THEMIS: variants seen among roughly 807,000 people sequenced by gnomAD.
THEMIS encodes thymocyte selection associated.
In THEMIS, 37 loss-of-function variants were observed where a neutral mutation model predicts 52.6. That is an observed-to-expected ratio of 0.70 (90% CI 0.54 to 0.93). The LOEUF (loss-of-function observed/expected upper bound fraction) is 0.93. Among genes scored for constraint, THEMIS ranks in the 40% least tolerant of loss-of-function variants. The pLI is 0.00. For synonymous variants in THEMIS, 292 were observed against 272.7 expected (o/e 1.07, Z -0.70); for missense variants, 808 against 763.1 (o/e 1.06, Z -0.69).
intron 3 of THEMIS, among the ~76,000 whole-genome samples, chr6:127,822,409 A>G (rs1017659476): frequency 2.0e-5 from 3 of 152,088 alleles, no homozygotes; most frequent in East Asian, 1.9e-4. Context: ...TCTGCTGTCC[A>G]TATTTCTAAA....
At chr6:127,760,929 A>G (rs1776000902) in intron 4 of THEMIS, among the ~76,000 whole-genome samples, 1 of 152,196 alleles carries the variant, frequency 6.6e-6, no homozygotes, top group South Asian at 2.1e-4. Context: ...TACAGTCAGC[A>G]AAAACAAAAA....
chr6:127,697,450 T>C, the THEMIS span, among the ~76,000 whole-genome samples: 62 of 152,252 alleles, frequency 4.1e-4, no homozygotes, highest in East Asian at 0.012. Context: ...GCAATAGGCA[T>C]AACAGTTCTA....
intron 1 of THEMIS, among the ~76,000 whole-genome samples, chr6:127,916,293 C>T (rs781030002): frequency 6.6e-6 from 1 of 151,784 alleles, no homozygotes; most frequent in Non-Finnish European, 1.5e-5. Context: ...TAATAAAATA[C>T]TTTTATTGAA....
intron 3 of THEMIS, among the ~76,000 whole-genome samples, chr6:127,823,435 C>T (rs1232603275): frequency 6.6e-6 from 1 of 151,844 alleles, no homozygotes; most frequent in Admixed American, 6.6e-5. Flanking sequence ...GTGAGAAAAC[C>T]CCCTTGTTAC....
chr6:127,821,150 ATG>A (rs1040887139), intron 3 of THEMIS, among the ~76,000 whole-genome samples: 8 of 150,108 alleles, frequency 5.3e-5, no homozygotes, highest in Non-Finnish European at 7.4e-5. Context: ...AGCTCTAATC[ATG>A]TGTGTGTGTG....
At chr6:127,753,185 T>C (rs1775706533) in intron 4 of THEMIS, among the ~76,000 whole-genome samples, 1 of 151,958 alleles carries the variant, frequency 6.6e-6, no homozygotes, top group Admixed American at 6.6e-5. Flanking sequence ...AGATCACATA[T>C]GACAAGCCCA....
At chr6:127,890,431 A>T (rs1780769942) in intron 1 of THEMIS, among the ~76,000 whole-genome samples, 1 of 152,136 alleles carries the variant, frequency 6.6e-6, no homozygotes, top group Non-Finnish European at 1.5e-5. Context: ...AGAGGCTAGA[A>T]AGGGTAGCGG....
At chr6:127,916,013 T>C (rs1781518129) in intron 1 of THEMIS, among the ~76,000 whole-genome samples, 1 of 151,992 alleles carries the variant, frequency 6.6e-6, no homozygotes, top group Non-Finnish European at 1.5e-5. Context: ...GAAAAAAGAA[T>C]GAGCAAATTT....
intron 5 of THEMIS, among the ~76,000 whole-genome samples, chr6:127,715,920 A>G (rs575160844): frequency 7.0e-4 from 106 of 151,962 alleles, no homozygotes; most frequent in Non-Finnish European, 1.1e-3. Context: ...AGAGAAATGA[A>G]ATGGCTTCTG....
intron 5 of THEMIS, among the ~76,000 whole-genome samples, chr6:127,714,424 A>G (rs2114465569): frequency 6.6e-6 from 1 of 152,024 alleles, no homozygotes; most frequent in Admixed American, 6.6e-5. Flanking sequence ...ATTCCTTAAC[A>G]TTTGAAAATG....
intron 1 of THEMIS, among the ~76,000 whole-genome samples, chr6:127,907,482 A>T (rs955369723): frequency 1.3e-5 from 2 of 151,118 alleles, no homozygotes; most frequent in African/African-American, 4.9e-5. Context: ...TTATACCTGG[A>T]AAAGTCCCAG....
intron 1 of THEMIS, among the ~76,000 whole-genome samples, chr6:127,886,759 C>G (rs924596344): frequency 6.6e-6 from 1 of 152,152 alleles, no homozygotes; most frequent in African/African-American, 2.4e-5. Context: ...TATGTCTCCA[C>G]TGGGAGAGGA....
At chr6:127,706,774 C>G (rs1773812274), downstream of THEMIS, among the ~76,000 whole-genome samples, 2 of 151,838 alleles carry the variant, frequency 1.3e-5, no homozygotes, top group African/African-American at 2.4e-5. Flanking sequence ...GTGGATAAAG[C>G]CTAAAGGAAG....
At chr6:127,777,709 G>A (rs950448663) in intron 4 of THEMIS, among the ~76,000 whole-genome samples, 4 of 152,046 alleles carry the variant, frequency 2.6e-5, no homozygotes, top group Non-Finnish European at 4.4e-5. Flanking sequence ...TTATCTTTAC[G>A]TTCTTTCAGA....
intron 4 of THEMIS, among the ~76,000 whole-genome samples, chr6:127,807,860 C>T (rs1035605774): frequency 2.6e-5 from 4 of 152,232 alleles, no homozygotes; most frequent in Non-Finnish European, 5.9e-5. Flanking sequence ...ATTTCAGCCA[C>T]TGTAACTGTC....
chr6:127,895,537 T>TA (rs1455539975), intron 1 of THEMIS, among the ~76,000 whole-genome samples: 2 of 151,562 alleles, frequency 1.3e-5, no homozygotes, highest in Non-Finnish European at 3.0e-5. Flanking sequence ...GCAATATATA[T>TA]ATACACATGA....
intron 5 of THEMIS, among the ~76,000 whole-genome samples, chr6:127,716,902 A>C (rs139029682): frequency 6.6e-6 from 1 of 151,892 alleles, no homozygotes; most frequent in African/African-American, 2.4e-5. Flanking sequence ...CTGAGGAATC[A>C]GTGACATCAT....
chr6:127,803,996 G>A (rs1311851602), intron 4 of THEMIS, among the ~76,000 whole-genome samples: 1 of 152,064 alleles, frequency 6.6e-6, no homozygotes, highest in Non-Finnish European at 1.5e-5. Context: ...ACCATTTCTG[G>A]TTGCTTTCCT....
chr6:127,905,883 A>G (rs1306297735), upstream of THEMIS, among the ~76,000 whole-genome samples: 3 of 151,688 alleles, frequency 2.0e-5, no homozygotes, highest in Non-Finnish European at 4.4e-5. Context: ...AAAGAACCTC[A>G]AAATTGCTAG....
Sources: gnomAD v4.1 joint callset for allele counts (sites outside exome capture counted in the v4.1 genomes callset) on GRCh38, gnomAD v4.1.1 for gene constraint, MANE v1.5 for transcripts, NCBI Gene and HGNC (gene_info 2026-07-23, HGNC 2026-07-21) for gene names.